Variants in PRICKLE2 observed in about 807,000 individuals in gnomAD.
PRICKLE2 encodes prickle-like protein 2.
PRICKLE2 carries 21 observed loss-of-function variants against 81.4 expected under a neutral mutation model. The observed-to-expected ratio is 0.26, with a 90% CI of 0.18 to 0.37. The LOEUF is 0.37. Among genes scored for constraint, PRICKLE2 ranks in the 10% least tolerant of loss-of-function variants. The probability of loss-of-function intolerance (pLI) is 1.00; values close to 1 mark genes in which losing one functional copy is unlikely to be tolerated. For synonymous variants in PRICKLE2, 456 were observed against 421.5 expected (o/e 1.08, Z -1.00); for missense variants, 940 against 1,109.0 (o/e 0.85, Z 2.16).
At chr3:64,233,586 G>T (rs1051671953) in intron 2 of PRICKLE2, among the ~76,000 whole-genome samples, 7 of 152,108 alleles carry the variant, frequency 4.6e-5, no homozygotes, top group African/African-American at 1.7e-4. Context: ...CCTTGGTGAG[G>T]GCTAAGTCTT....
intron 2 of PRICKLE2, among the ~76,000 whole-genome samples, chr3:64,178,387 G>A (rs1394008153): frequency 6.6e-6 from 1 of 152,236 alleles, no homozygotes; most frequent in Non-Finnish European, 1.5e-5. Flanking sequence ...ATGCCTCCAT[G>A]AGGATGGCAG....
chr3:64,187,030 C>T (rs1402712382), intron 2 of PRICKLE2, among the ~76,000 whole-genome samples: 2 of 152,194 alleles, frequency 1.3e-5, no homozygotes, highest in African/African-American at 4.8e-5. Context: ...AAAGCTAGAA[C>T]TCCAATGGCA....
At chr3:64,226,972 G>A (rs953279686), upstream of PRICKLE2, among the ~76,000 whole-genome samples, 13 of 152,332 alleles carry the variant, frequency 8.5e-5, no homozygotes, top group East Asian at 1.9e-4. Flanking sequence ...ACACTCCCCC[G>A]CCTGGGGAAC....
At chr3:64,235,476 T>C (rs946881207) in intron 2 of PRICKLE2, among the ~76,000 whole-genome samples, 9 of 152,294 alleles carry the variant, frequency 5.9e-5, no homozygotes, top group Non-Finnish European at 1.3e-4. Flanking sequence ...AAAATGGACA[T>C]TGTAGATACT....
chr3:64,168,047 A>G (rs1471068558), intron 2 of PRICKLE2, among the ~76,000 whole-genome samples: 1 of 152,072 alleles, frequency 6.6e-6, no homozygotes, highest in Non-Finnish European at 1.5e-5. Flanking sequence ...ACCTCACCCA[A>G]TTTTTCAGGT....
chr3:64,265,060 G>T (rs1387398277), intron 2 of PRICKLE2, among the ~76,000 whole-genome samples: 14 of 152,148 alleles, frequency 9.2e-5, no homozygotes, highest in Admixed American at 9.2e-4. Context: ...TCTGGAAGTT[G>T]TCCAGATTAC....
chr3:64,169,893 G>A (rs1028273432), intron 2 of PRICKLE2, among the ~76,000 whole-genome samples: 1 of 152,146 alleles, frequency 6.6e-6, no homozygotes, highest in South Asian at 2.1e-4. Context: ...GATGCTGCCT[G>A]AATTTGCTGC....
chr3:64,186,873 C>T (rs1219637445), intron 2 of PRICKLE2, among the ~76,000 whole-genome samples: 1 of 152,198 alleles, frequency 6.6e-6, no homozygotes, highest in African/African-American at 2.4e-5. Context: ...TACATTAACT[C>T]TCACACCAGG....
At chr3:64,197,066 T>A (rs1474605135) in intron 2 of PRICKLE2, among the ~76,000 whole-genome samples, 3 of 152,242 alleles carry the variant, frequency 2.0e-5, no homozygotes, top group African/African-American at 7.2e-5. Flanking sequence ...CAATGGCTAA[T>A]CAATGAGTTT....
At chr3:64,105,070 G>A (rs1363761411) in intron 7 of PRICKLE2, among the ~76,000 whole-genome samples, 5 of 152,080 alleles carry the variant, frequency 3.3e-5, no homozygotes, top group African/African-American at 1.2e-4. Flanking sequence ...CTTCAGCTGT[G>A]CTTACATTCC....
At chr3:64,250,130 G>T (rs1033679633) in intron 2 of PRICKLE2, among the ~76,000 whole-genome samples, 2 of 152,174 alleles carry the variant, frequency 1.3e-5, no homozygotes, top group Admixed American at 1.3e-4. Flanking sequence ...TTCCTGGAAG[G>T]TTATGAGAGT....
At chr3:64,183,195 A>C (rs888063801) in intron 2 of PRICKLE2, among the ~76,000 whole-genome samples, 8 of 152,188 alleles carry the variant, frequency 5.3e-5, no homozygotes, top group Admixed American at 1.3e-4. Flanking sequence ...GAATTTGAAC[A>C]AATACAATTA....
chr3:64,142,313 CTTT>C (rs397936636), intron 7 of PRICKLE2, among the ~76,000 whole-genome samples: 2 of 132,756 alleles, frequency 1.5e-5, no homozygotes, highest in Middle Eastern at 3.7e-3. Flanking sequence ...TTCTTTCTTT[CTTT>C]TTTTTTTTTT....
chr3:64,248,382 A>G (rs1051069896), intron 2 of PRICKLE2, among the ~76,000 whole-genome samples: 3 of 152,236 alleles, frequency 2.0e-5, no homozygotes, highest in African/African-American at 7.2e-5. Context: ...ATAAGTTTCC[A>G]ATGAGAAAAG....
rs115979179 is a variant in PRICKLE2, at chr3:64,262,277, G to A, written c.129-63310C>T. 1.6e-3 allele frequency among the ~76,000 whole-genome samples: 241 copies of A among 152,282 alleles called. 1 individual carries two copies. The highest frequency in any genetic ancestry group is 2.6e-3 in the Non-Finnish European group (178 of 68,032). On this transcript the variant is annotated intron_variant, in intron 2 of 8. Coordinates refer to the PRICKLE2 transcript ENST00000295902. Reference sequence around the variant, plus strand: ...ATTCCCATTGGATAGGATATGGGGAGAGGGTAAGAGAAAGAGAACAATCAA... The same window carrying A: ...ATTCCCATTGGATAGGATATGGGGAAAGGGTAAGAGAAAGAGAACAATCAA...
intron 7 of PRICKLE2, among the ~76,000 whole-genome samples, chr3:64,132,445 C>G (rs1030042396): frequency 6.6e-6 from 1 of 152,164 alleles, no homozygotes; most frequent in Non-Finnish European, 1.5e-5. Flanking sequence ...GCCTCAGTTT[C>G]TATCTATCTC....
At chr3:64,260,465 C>T (rs981326131) in intron 2 of PRICKLE2, among the ~76,000 whole-genome samples, 8 of 152,344 alleles carry the variant, frequency 5.3e-5, no homozygotes, top group South Asian at 2.1e-4. Context: ...GCTAATCAAT[C>T]GCAGCACTAT....
chr3:64,112,878 G>C (rs1012269497), intron 7 of PRICKLE2, among the ~76,000 whole-genome samples: 1 of 152,230 alleles, frequency 6.6e-6, no homozygotes, highest in South Asian at 2.1e-4. Context: ...ACGGAGACAA[G>C]TGGAACAGCT....
At chr3:64,169,010 AC>A (rs2077886460) in intron 2 of PRICKLE2, among the ~76,000 whole-genome samples, 1 of 151,888 alleles carries the variant, frequency 6.6e-6, no homozygotes, top group South Asian at 2.1e-4. Flanking sequence ...CCTTAACAAT[AC>A]CCTCATTTGA....
Sources: gnomAD v4.1 joint callset for allele counts (sites outside exome capture counted in the v4.1 genomes callset) on GRCh38, gnomAD v4.1.1 for gene constraint, MANE v1.5 for transcripts, NCBI Gene and HGNC (gene_info 2026-07-23, HGNC 2026-07-21) for gene names.